Variants in CERT1 observed in about 807,000 individuals in gnomAD.
CERT1 encodes ceramide transporter 1, also known as ceramide transfer protein.
CERT1 carries 31 observed loss-of-function variants against 87.9 expected under a neutral mutation model. That is an observed-to-expected ratio of 0.35 (90% confidence interval 0.27 to 0.48). The LOEUF is 0.48. Ranked by LOEUF, CERT1 falls within the 20% of genes least tolerant of loss-of-function variation. The probability of loss-of-function intolerance (pLI) is 0.99; values close to 1 mark genes in which losing one functional copy is unlikely to be tolerated. For synonymous variants in CERT1, 289 were observed against 250.9 expected, an observed-to-expected ratio of 1.15 and a Z score of -1.44; for missense variants, 487 against 758.0, an observed-to-expected ratio of 0.64 and a Z score of 4.20.
intron 5 of CERT1, among the ~76,000 whole-genome samples, chr5:75,420,271 C>A (rs1469817583): frequency 6.6e-6 from 1 of 152,040 alleles, no homozygotes; most frequent in Non-Finnish European, 1.5e-5. Flanking sequence ...AGTGACCACA[C>A]CCAGGCGAGA....
At chr5:75,413,668 TACAC>T (rs148440926) in intron 7 of CERT1, among the ~76,000 whole-genome samples, 1 of 150,084 alleles carries the variant, frequency 6.7e-6, no homozygotes, top group African/African-American at 2.4e-5. Flanking sequence ...CCAACACCTA[TACAC>T]ACACACACAC....
At chr5:75,417,952 T>C (rs1225741582) in intron 6 of CERT1, among the ~76,000 whole-genome samples, 2 of 151,942 alleles carry the variant, frequency 1.3e-5, no homozygotes, top group African/African-American at 2.4e-5. Context: ...AAGCTGGGAG[T>C]TCGAGACCAG....
intron 5 of CERT1, among the ~76,000 whole-genome samples, chr5:75,420,178 T>C (rs55926501): frequency 0.14 from 20,754 of 151,436 alleles, 1,601 homozygotes; most frequent in East Asian, 0.21. Context: ...GGGGTTTCAC[T>C]ATGTTGGCCA....
In CERT1 at chr5:75,419,191, T is replaced by G; in HGVS notation, c.679+150A>C. On this transcript the variant is annotated intron_variant, in intron 6 of 16. Transcript: ENST00000643780. The stretch of plus-strand genomic sequence containing the variant: ...ATTACATAATGTCAGAATGTGATTT[T>G]TACCTGCATGCCTTGGAAGATATTT... 3 of 537,064 alleles carry G rather than the reference T, an allele frequency of 5.6e-6. No individual in the cohort carries two copies. The South Asian group carries it at 8.6e-5, about 15-fold the overall frequency. The allele number at this position is 537,064 out of a possible 1,614,324, so 33.3% of individuals were successfully genotyped here. A position where few individuals can be genotyped will look rare whatever the true frequency, so the allele number is the denominator to read the frequency against.
intron 12 of CERT1, 123 bp from the exon 13 acceptor site, chr5:75,386,157 T>G: frequency 1.4e-6 from 1 of 722,070 alleles, no homozygotes; most frequent in East Asian, 3.3e-5. Flanking sequence ...TAGAACATAT[T>G]CTGCTAAAAG....
At chr5:75,443,071 C>A (rs904122928) in intron 3 of CERT1, among the ~76,000 whole-genome samples, 1 of 152,094 alleles carries the variant, frequency 6.6e-6, no homozygotes, top group Non-Finnish European at 1.5e-5. Flanking sequence ...AACATCCCTA[C>A]GTTAATTCCT....
chr5:75,396,729 C>CA (rs375730002), intron 11 of CERT1, among the ~76,000 whole-genome samples: 25,710 of 92,230 alleles, frequency 0.28, 4,131 homozygotes, highest in African/African-American at 0.5. Context: ...AACTCCGTCT[C>CA]AAAAAAAAAA....
intron 5 of CERT1, among the ~76,000 whole-genome samples, chr5:75,421,006 G>A (rs1763355178): frequency 6.6e-6 from 1 of 152,060 alleles, no homozygotes; most frequent in Non-Finnish European, 1.5e-5. Flanking sequence ...ATGAGGTTTT[G>A]CCATGTTGCC....
chr5:75,484,418 A>T (rs1392395400), intron 2 of CERT1, among the ~76,000 whole-genome samples: 1 of 151,898 alleles, frequency 6.6e-6, no homozygotes, highest in Non-Finnish European at 1.5e-5. Context: ...ATGAATGTAT[A>T]TGGACTAAAC....
At chr5:75,391,139 T>TTTA (rs1298244349) in intron 11 of CERT1, among the ~76,000 whole-genome samples, 1 of 152,184 alleles carries the variant, frequency 6.6e-6, no homozygotes, top group Non-Finnish European at 1.5e-5. Flanking sequence ...TAATTTTTTG[T>TTTA]AGAGACAGGG....
chr5:75,414,915 G>C (rs1486211028), intron 7 of CERT1, among the ~76,000 whole-genome samples: 4 of 152,002 alleles, frequency 2.6e-5, no homozygotes. Flanking sequence ...AACAATTTCA[G>C]TGAAACCATA....
At chr5:75,490,868 T>C (rs961176059) in intron 2 of CERT1, among the ~76,000 whole-genome samples, 23 of 152,272 alleles carry the variant, frequency 1.5e-4, no homozygotes, top group Non-Finnish European at 2.8e-4. Flanking sequence ...TCTATTGTCA[T>C]TTTCTTTCAT....
chr5:75,495,437 A>C (rs1225666639), intron 2 of CERT1, among the ~76,000 whole-genome samples: 2 of 152,152 alleles, frequency 1.3e-5, no homozygotes, highest in Non-Finnish European at 2.9e-5. Context: ...GCATGCCTGT[A>C]GTCTCAGCTA....
chr5:75,402,569 C>T (rs985243612), intron 9 of CERT1: 15 of 155,222 alleles, frequency 9.7e-5, no homozygotes, highest in Non-Finnish European at 5.7e-5. Flanking sequence ...GAGGCTGAGG[C>T]GGGTGGATCA....
At position 75,497,176 on chromosome 5, in the gene CERT1, G is replaced by A. The variant is rs139060729; in HGVS notation, c.231+8806C>T. On this transcript the variant is annotated intron_variant, in intron 2 of 16. Coordinates refer to ENST00000643780, the MANE Select transcript of CERT1 (RefSeq NM_001379029.1). ...ATGAGAATCTGTTCAAACATGACAC[G>A]CTACGTATCCCGGCTCTAGTGAGTC... is the stretch of plus-strand genomic sequence containing the variant. Among the ~76,000 whole-genome samples, 321 of 152,146 alleles carry A rather than the reference G, an allele frequency of 2.1e-3. 1 individual carries two copies. The East Asian group carries it at 0.028, about 13-fold the overall frequency.
intron 3 of CERT1, among the ~76,000 whole-genome samples, chr5:75,444,438 A>C (rs1764450551): frequency 6.6e-6 from 1 of 152,178 alleles, no homozygotes; most frequent in South Asian, 2.1e-4. Context: ...CTGATAAGGA[A>C]GAACTTACTT....
chr5:75,484,496 G>C (rs1369330927), intron 2 of CERT1, among the ~76,000 whole-genome samples: 1 of 148,816 alleles, frequency 6.7e-6, no homozygotes, highest in East Asian at 2.0e-4. Flanking sequence ...ATGATCTGTT[G>C]CCTACAAGAA....
At chr5:75,377,020 A>G (rs1396945721), downstream of CERT1, 2 of 152,194 alleles carry the variant, frequency 1.3e-5, no homozygotes, top group African/African-American at 4.8e-5. Flanking sequence ...AGAATGAGAG[A>G]ATATTCATGT....
Position 75,381,399 on chromosome 5 carries a change from C to T in CERT1, c.1618-198G>A, listed in dbSNP as rs118092017. Among the ~76,000 whole-genome samples, 314 of 152,126 alleles carry T rather than the reference C, an allele frequency of 2.1e-3. 1 individual carries two copies. The East Asian group carries it at 0.027, about 13-fold the overall frequency. ...GGACAAGGTCTTGCTCTGTTGCCCA[C>T]TCTGGAGTGCAGTGGTGCCATCATA... On this transcript the variant is annotated intron_variant, in intron 15 of 16. Transcript: ENST00000643780.
Sources: gnomAD v4.1 joint callset for allele counts (sites outside exome capture counted in the v4.1 genomes callset) on GRCh38, gnomAD v4.1.1 for gene constraint, MANE v1.5 for transcripts, NCBI Gene and HGNC (gene_info 2026-07-23, HGNC 2026-07-21) for gene names.